OPA1: variants seen among roughly 807,000 people sequenced by gnomAD.
OPA1 encodes dynamin-like GTPase OPA1, mitochondrial.
OPA1 carries 59 observed loss-of-function variants against 152.9 expected under a neutral mutation model. That is an observed-to-expected ratio of 0.39 (90% CI 0.31 to 0.48). The LOEUF is 0.48. Ranked by LOEUF, OPA1 falls within the 20% of genes least tolerant of loss-of-function variation. The probability of loss-of-function intolerance (pLI) is 0.96; values close to 1 mark genes in which losing one functional copy is unlikely to be tolerated. For missense variants in OPA1, 1,008 were observed against 1,216.8 expected (o/e 0.83, Z 2.55); for synonymous variants, 400 against 389.9 (o/e 1.03, Z -0.31).
rs77253237 is a variant in OPA1, at chr3:193,673,518, A to G, written c.2983+6238A>G. On this transcript the variant is annotated intron_variant, in intron 29 of 30. Transcript: ENST00000361510. ...TTATCAGATTCCACCATGCGTAAGT[A>G]GTGTCTAAGTTGCCCCATATTTAGA... Among the ~76,000 whole-genome samples the G allele has an allele frequency of 3.7e-3, 557 of 152,352 alleles. 5 individuals carry two copies. Among genetic ancestry groups the G allele is most frequent in the East Asian group, 0.031 (163 of 5,192 alleles).
In OPA1 at chr3:193,636,371, G is replaced by A. The variant is rs189630833; in HGVS notation, c.949-824G>A. 2.4e-4 allele frequency among the ~76,000 whole-genome samples: 37 copies of A among 151,254 alleles called. 2 individuals carry two copies. Among genetic ancestry groups the A allele is most frequent in the Admixed American group, 3.3e-4 (5 of 15,142 alleles). ...GTATTTTCTCTCATAAAATGCAGTG[G>A]CAATTAACATTTTTTGTTTATTTTT... On this transcript the variant is annotated intron_variant, in intron 9 of 30. Transcript: ENST00000361510.
At chr3:193,609,980 G>A (rs1727941632) in intron 1 of OPA1, among the ~76,000 whole-genome samples, 1 of 152,060 alleles carries the variant, frequency 6.6e-6, no homozygotes, top group Non-Finnish European at 1.5e-5. Flanking sequence ...CCATGGGTTC[G>A]AACTTCCTCC....
intron 22 of OPA1, 80 bp downstream of exon 22, chr3:193,655,107 A>G (rs1713468059): frequency 3.1e-6 from 4 of 1,272,326 alleles, no homozygotes; most frequent in Middle Eastern, 1.9e-4. Flanking sequence ...TTTTATTCCC[A>G]TCACAGCCTC....
intron 29 of OPA1, among the ~76,000 whole-genome samples, chr3:193,679,620 A>G (rs1423823472): frequency 6.6e-6 from 1 of 152,112 alleles, no homozygotes; most frequent in Non-Finnish European, 1.5e-5. Context: ...TTGTTTAGGT[A>G]TTCTGTTCAT....
intron 29 of OPA1, among the ~76,000 whole-genome samples, chr3:193,684,724 T>TA (rs1266862422): frequency 6.6e-6 from 1 of 152,080 alleles, no homozygotes; most frequent in African/African-American, 2.4e-5. Context: ...GTGCTGGGAT[T>TA]ACAGGCGTGA....
intron 8 of OPA1, among the ~76,000 whole-genome samples, chr3:193,634,950 A>G (rs971613768): frequency 1.3e-5 from 2 of 152,226 alleles, no homozygotes; most frequent in African/African-American, 4.8e-5. Flanking sequence ...AGTCTGTCAC[A>G]TAATGCATGC....
At chr3:193,680,539 G>A (rs1719967429) in intron 29 of OPA1, among the ~76,000 whole-genome samples, 1 of 152,204 alleles carries the variant, frequency 6.6e-6, no homozygotes, top group African/African-American at 2.4e-5. Flanking sequence ...AGGAACAGAA[G>A]GGGCCTTCTT....
At chr3:193,676,495 C>G (rs905357625) in intron 29 of OPA1, among the ~76,000 whole-genome samples, 39 of 152,116 alleles carry the variant, frequency 2.6e-4, no homozygotes, top group African/African-American at 8.4e-4. Flanking sequence ...AACAAAAAAA[C>G]CTGAGTTGAT....
At chr3:193,643,918 T>G in intron 15 of OPA1, 57 bp from the exon 16 acceptor site, 1 of 1,578,872 alleles carries the variant, frequency 6.3e-7, no homozygotes. Context: ...GTACTGAGTT[T>G]TAAAAGTCTA....
intron 29 of OPA1, among the ~76,000 whole-genome samples, chr3:193,672,190 G>A (rs1577354226): frequency 6.6e-6 from 1 of 152,118 alleles, no homozygotes; most frequent in Non-Finnish European, 1.5e-5. Context: ...GTATGTTATA[G>A]TTCAATTCAA....
rs140089381 is a variant in OPA1, at chr3:193,601,736, GT to G, written c.32+8333del. ...CGTTTTGTAGGCATCATTTGGATTT[GT>G]TTTTTATATTTGGTGTGATCGACTT... On this transcript the variant is annotated intron_variant, in intron 1 of 30. Coordinates refer to ENST00000361510, the MANE Select transcript of OPA1 (RefSeq NM_130837.3). 7.2e-3 allele frequency among the ~76,000 whole-genome samples: 1,103 copies of G among 152,284 alleles called. 9 individuals are homozygous for G. The highest frequency in any genetic ancestry group is 0.021 in the African/African-American group (891 of 41,548).
intron 1 of OPA1, among the ~76,000 whole-genome samples, chr3:193,596,043 T>C (rs1430548018): frequency 6.6e-6 from 1 of 152,170 alleles, no homozygotes; most frequent in Admixed American, 6.5e-5. Context: ...ATACAAAACA[T>C]ACTGCATCTA....
intron 29 of OPA1, among the ~76,000 whole-genome samples, chr3:193,685,428 G>A (rs1720809036): frequency 6.6e-6 from 1 of 151,926 alleles, no homozygotes; most frequent in Admixed American, 6.6e-5. Flanking sequence ...ATACTTTATG[G>A]GGGTCACAAA....
At chr3:193,676,623 T>C (rs746150942) in intron 29 of OPA1, among the ~76,000 whole-genome samples, 21 of 152,086 alleles carry the variant, frequency 1.4e-4, no homozygotes, top group Non-Finnish European at 2.2e-4. Context: ...GATGAGAAAA[T>C]CGAGACTCAA....
chr3:193,614,627 G>A, intron 1 of OPA1, 96 bp from the exon 2 acceptor site: 2 of 752,436 alleles, frequency 2.7e-6, no homozygotes, highest in Admixed American at 4.3e-5. Flanking sequence ...AGTCACGTAT[G>A]GGGCTGTGTT....
At chr3:193,619,732 A>C (rs993281124) in intron 6 of OPA1, 1 of 152,198 alleles carries the variant, frequency 6.6e-6, no homozygotes, top group Non-Finnish European at 1.5e-5. Flanking sequence ...ATGTTTTAAC[A>C]TTCATGTAAT....
chr3:193,609,311 G>A (rs1000780571), intron 1 of OPA1, among the ~76,000 whole-genome samples: 2 of 152,174 alleles, frequency 1.3e-5, no homozygotes, highest in Admixed American at 1.3e-4. Context: ...TAGTTTGGCT[G>A]GATATGAAAT....
At chr3:193,618,605 TA>T (rs1390261739) in intron 5 of OPA1, 10 of 435,396 alleles carry the variant, frequency 2.3e-5, no homozygotes, top group East Asian at 4.3e-5. Flanking sequence ...AAGATTGTCT[TA>T]TTTTTTTATT....
chr3:193,688,838 T>G (rs1366249108), intron 29 of OPA1, among the ~76,000 whole-genome samples: 2 of 152,054 alleles, frequency 1.3e-5, no homozygotes, highest in African/African-American at 4.8e-5. Context: ...TGTTTTAAAT[T>G]AGCCAGGTGT....
Sources: gnomAD v4.1 joint callset for allele counts (sites outside exome capture counted in the v4.1 genomes callset) on GRCh38, gnomAD v4.1.1 for gene constraint, MANE v1.5 for transcripts, NCBI Gene and HGNC (gene_info 2026-07-23, HGNC 2026-07-21) for gene names.